SLC15A1: variants seen among roughly 807,000 people sequenced by gnomAD.
The protein encoded by SLC15A1 is solute carrier family 15 member 1.
A neutral mutation model predicts 92.9 loss-of-function variants in SLC15A1; 83 were observed. The ratio of observed to expected loss-of-function variants is 0.89; its 90% CI spans 0.75 to 1.07. The LOEUF is 1.07. Ranked by LOEUF, SLC15A1 falls within the 50% of genes least tolerant of loss-of-function variation. The pLI is 0.00. For synonymous variants in SLC15A1, 322 were observed against 318.2 expected (o/e 1.01, Z -0.13); for missense variants, 857 against 880.1 (o/e 0.97, Z 0.33).
intron 1 of SLC15A1, among the ~76,000 whole-genome samples, chr13:98,750,369 C>T (rs561351030): frequency 1.3e-5 from 2 of 152,280 alleles, no homozygotes; most frequent in South Asian, 4.1e-4. Context: ...CCTCGGCCTC[C>T]CAAAGTTCTG....
At chr13:98,692,770 G>T (rs73564085) in intron 18 of SLC15A1, among the ~76,000 whole-genome samples, 14,496 of 152,014 alleles carry the variant, frequency 0.095, 1,765 homozygotes, top group African/African-American at 0.28. Context: ...TTTGAAGACG[G>T]AGTCTCACTT....
chr13:98,732,127 A>G (rs1196533917), intron 1 of SLC15A1, among the ~76,000 whole-genome samples: 1 of 152,222 alleles, frequency 6.6e-6, no homozygotes, highest in African/African-American at 2.4e-5. Flanking sequence ...TTCAGACCGA[A>G]CTCAAGTATC....
At chr13:98,686,364 C>A (rs1298579047) in intron 21 of SLC15A1, 67 bp from the exon 22 acceptor site, 4 of 1,080,806 alleles carry the variant, frequency 3.7e-6, no homozygotes, top group Non-Finnish European at 5.6e-6. Flanking sequence ...ACACAGCTCA[C>A]CGATGGGCGT....
At chr13:98,731,214 A>ACAG (rs2088348056) in intron 1 of SLC15A1, among the ~76,000 whole-genome samples, 4 of 152,180 alleles carry the variant, frequency 2.6e-5, no homozygotes, top group Non-Finnish European at 5.9e-5. Flanking sequence ...TGTGCTGAGC[A>ACAG]TGGCCTCTGT....
chr13:98,741,687 G>A (rs537882023), intron 1 of SLC15A1, among the ~76,000 whole-genome samples: 1 of 136,042 alleles, frequency 7.4e-6, no homozygotes, highest in Admixed American at 8.2e-5. Context: ...TCATACTACC[G>A]CACTCCAGCC....
Position 98,686,239 on chromosome 13 carries a change from C to T in SLC15A1, c.1886G>A (p.Gly629Asp), listed in dbSNP as rs1360461862. 1.2e-6 allele frequency: 2 copies of T among 1,613,778 alleles called. No homozygotes were observed. The highest frequency in any genetic ancestry group is 1.7e-6 in the Non-Finnish European group (2 of 1,179,912). Residue 629 changes from glycine (G) to aspartate (D), a missense_variant, in exon 22 of 23, where the codon GGC becomes GAC. Transcript: ENST00000376503. ...TGCCACGATGAGCACAATGATGTTG[C>T]CAACAGCCACGGTCAGCAGCCATCC... ...QAGWLLTVAV[G>D]NIIVLIVAGA...
chr13:98,732,296 G>A (rs1029301407), intron 1 of SLC15A1, among the ~76,000 whole-genome samples: 2 of 152,228 alleles, frequency 1.3e-5, no homozygotes, highest in African/African-American at 4.8e-5. Flanking sequence ...CTTAGAATCT[G>A]GACTTCCCAT....
intron 1 of SLC15A1, among the ~76,000 whole-genome samples, chr13:98,727,625 G>A (rs775977680): frequency 2.0e-5 from 3 of 152,140 alleles, no homozygotes; most frequent in African/African-American, 4.8e-5. Flanking sequence ...TCCTAGGAGC[G>A]CCTCATCCCC....
intron 5 of SLC15A1, among the ~76,000 whole-genome samples, chr13:98,723,180 C>T (rs911556977): frequency 6.6e-6 from 1 of 152,142 alleles, no homozygotes; most frequent in Non-Finnish European, 1.5e-5. Flanking sequence ...CAGCCACTCC[C>T]TCCACCGACA....
At chr13:98,700,818 T>G (rs2088061129) in intron 18 of SLC15A1, among the ~76,000 whole-genome samples, 1 of 152,226 alleles carries the variant, frequency 6.6e-6, no homozygotes, top group Non-Finnish European at 1.5e-5. Flanking sequence ...ATACTTCCCT[T>G]AATCCATTGA....
chr13:98,730,700 G>A (rs1041327652), intron 1 of SLC15A1, among the ~76,000 whole-genome samples: 4 of 152,266 alleles, frequency 2.6e-5, no homozygotes, highest in African/African-American at 9.6e-5. Context: ...GGTCCTCAGC[G>A]CCTCCGCGCC....
At chr13:98,720,911 G>A (rs2088252096) in intron 7 of SLC15A1, 2 of 351,602 alleles carry the variant, frequency 5.7e-6, no homozygotes, top group Admixed American at 3.8e-5. Context: ...TATTATCCGG[G>A]CATGGTGGCA....
chr13:98,726,750 T>C (rs1227217661), intron 2 of SLC15A1, 93 bp downstream of exon 2: 1 of 1,247,288 alleles, frequency 8.0e-7, no homozygotes, highest in Non-Finnish European at 1.2e-6. Context: ...GTTCCAGATG[T>C]ACAGATCTGT....
intron 22 of SLC15A1, 104 bp downstream of exon 22, chr13:98,686,086 G>A (rs2087926593): frequency 3.7e-6 from 3 of 813,998 alleles, no homozygotes; most frequent in Admixed American, 4.1e-5. Context: ...CCAGCTATTA[G>A]CCTAGATGAC....
rs2139582922 is a variant in SLC15A1 at position 98,712,165 on chromosome 13, T to C, written c.811-222A>G. 2.0e-5 allele frequency among the ~76,000 whole-genome samples: 3 copies of C among 152,318 alleles called. No homozygotes were observed. The East Asian group carries it at 5.8e-4, about 29-fold the overall frequency. On this transcript the variant is annotated intron_variant, in intron 10 of 22. Transcript: ENST00000376503. ...GAAAACATCTATTTAGGAGGTAAAT[T>C]ACGTGAATTTACTAAATGTAAATCC...
At chr13:98,711,965 G>C (rs373271547) in intron 10 of SLC15A1, 22 bp from the exon 11 acceptor site, 2 of 1,568,332 alleles carry the variant, frequency 1.3e-6, no homozygotes, top group African/African-American at 1.4e-5. Flanking sequence ...GTGGGGAAGG[G>C]ACAAATCAGC....
intron 1 of SLC15A1, among the ~76,000 whole-genome samples, chr13:98,729,004 A>AAAC (rs1330051007): frequency 1.4e-5 from 2 of 140,944 alleles, no homozygotes; most frequent in Non-Finnish European, 3.1e-5. Flanking sequence ...AAAAAAAAAA[A>AAAC]AACAACAAGC....
At chr13:98,687,042 G>A (rs530827478) in intron 21 of SLC15A1, among the ~76,000 whole-genome samples, 15 of 151,374 alleles carry the variant, frequency 9.9e-5, no homozygotes, top group African/African-American at 3.2e-4. Context: ...CGGACTCCTG[G>A]GTTTAAGCAA....
At chr13:98,737,460 T>C (rs2088404075) in intron 1 of SLC15A1, among the ~76,000 whole-genome samples, 1 of 152,142 alleles carries the variant, frequency 6.6e-6, no homozygotes, top group Non-Finnish European at 1.5e-5. Flanking sequence ...ACCTGCACAT[T>C]GTGAATATGT....
Sources: allele counts gnomAD v4.1 joint callset (sites outside exome capture counted in the v4.1 genomes callset), GRCh38; gene constraint gnomAD v4.1.1; transcripts MANE v1.5; gene names NCBI Gene and HGNC (gene_info 2026-07-23, HGNC 2026-07-21).